Variants in HPSE observed in about 807,000 individuals in gnomAD.
HPSE encodes heparanase.
HPSE carries 48 observed loss-of-function variants against 65.1 expected under a neutral mutation model. That is an observed-to-expected ratio of 0.74 (90% CI 0.58 to 0.94). HPSE has a LOEUF of 0.94. Among genes scored for constraint, HPSE ranks in the 40% least tolerant of loss-of-function variants. HPSE has a pLI of 0.00. For synonymous variants in HPSE, 243 were observed against 260.0 expected (o/e 0.93, Z 0.63); for missense variants, 644 against 637.5 (o/e 1.01, Z -0.11).
intron 6 of HPSE, 74 bp from the exon 7 acceptor site, chr4:83,309,569 T>G (rs1736286999): frequency 1.2e-6 from 1 of 834,888 alleles, no homozygotes; most frequent in African/African-American, 1.7e-5. Context: ...TTGCTGACCT[T>G]ATTCTCCTTC....
At chr4:83,334,158 G>A (rs1207712676) in intron 1 of HPSE, among the ~76,000 whole-genome samples, 1 of 152,176 alleles carries the variant, frequency 6.6e-6, no homozygotes, top group Non-Finnish European at 1.5e-5. Context: ...GTGTACACAT[G>A]GACTTAGTGG....
intron 1 of HPSE, among the ~76,000 whole-genome samples, chr4:83,330,675 G>T (rs1440795935): frequency 6.6e-6 from 1 of 152,218 alleles, no homozygotes. Context: ...GAACTTTGCT[G>T]AAGGAAAATA....
rs1291307934 is a variant in HPSE, at chr4:83,293,361, G to A, written c.*1983C>T. On this transcript the variant is annotated 3_prime_UTR_variant, in exon 12 of 12. Transcript: ENST00000311412. ...CATTTTCTTCCTCTGGTTGCTATGA[G>A]GTTTGAAGGGGCCCATGAAACAGCT... The A allele has an allele frequency of 6.6e-6, 1 of 152,166 alleles. No individual in the cohort carries two copies. The highest frequency in any genetic ancestry group is 1.5e-5 in the Non-Finnish European group (1 of 68,048). 9.4% of individuals were successfully genotyped at this position (152,166 alleles called of 1,614,324 possible).
chr4:83,324,583 C>T (rs1737065756), intron 1 of HPSE, among the ~76,000 whole-genome samples: 3 of 152,122 alleles, frequency 2.0e-5, no homozygotes, highest in Admixed American at 2.0e-4. Flanking sequence ...AAAATGTTAT[C>T]AACCCGAATT....
intron 1 of HPSE, among the ~76,000 whole-genome samples, chr4:83,323,035 G>A (rs1332310015): frequency 3.9e-5 from 6 of 152,034 alleles, no homozygotes; most frequent in Non-Finnish European, 8.8e-5. Flanking sequence ...AGCCTTTTAT[G>A]ATGGATGGGG....
At chr4:83,322,158 A>G in intron 2 of HPSE, 61 bp downstream of exon 2, 1 of 1,427,968 alleles carries the variant, frequency 7.0e-7, no homozygotes, top group Admixed American at 1.8e-5. Flanking sequence ...GTTTTCTCAA[A>G]GCATTCTCAT....
intron 2 of HPSE, among the ~76,000 whole-genome samples, chr4:83,320,650 G>A (rs1004148849): frequency 6.6e-6 from 1 of 152,198 alleles, no homozygotes; most frequent in Admixed American, 6.5e-5. Context: ...GGGTTGCCGG[G>A]TGCTGGCTGC....
chr4:83,302,180 C>T lies in HPSE; in HGVS notation c.1295G>A (p.Arg432Gln), dbSNP rs770783846. 2.5e-5 allele frequency: 41 copies of T among 1,613,372 alleles called. No homozygotes were observed. Among genetic ancestry groups the T allele is most frequent in the African/African-American group, 4.0e-5 (3 of 74,896 alleles). ...AGTGTTTGTGCAATGAAGGTATACT[C>T]GAAGCTTCCTTCTCTTTGAACCTTG... ...SVQGSKRRKL[R>Q]VYLHCTNTDN... The change falls in exon 10 of 12, where the codon CGA becomes CAA. Residue 432 changes from arginine to glutamine, a missense_variant. Physicochemically the swap from Arg to Gln is conservative, Grantham distance 43 (BLOSUM62 1). Transcript: ENST00000311412.
At chr4:83,318,307 A>G (rs1736733665) in intron 3 of HPSE, among the ~76,000 whole-genome samples, 1 of 152,152 alleles carries the variant, frequency 6.6e-6, no homozygotes, top group African/African-American at 2.4e-5. Context: ...ATCAAACTTC[A>G]GATAAAAATA....
chr4:83,297,639 G>A (rs1735782453), intron 11 of HPSE, among the ~76,000 whole-genome samples: 1 of 152,182 alleles, frequency 6.6e-6, no homozygotes, highest in South Asian at 2.1e-4. Flanking sequence ...TTGACCTAAT[G>A]AGACGCTCAG....
At chr4:83,332,010 G>T (rs1471144688) in intron 1 of HPSE, among the ~76,000 whole-genome samples, 1 of 152,200 alleles carries the variant, frequency 6.6e-6, no homozygotes, top group Non-Finnish European at 1.5e-5. Context: ...TCACAGTGTT[G>T]TAGCCAAGAC....
intron 9 of HPSE, 100 bp from the exon 10 acceptor site, chr4:83,302,368 T>C: frequency 2.7e-6 from 2 of 731,986 alleles, no homozygotes; most frequent in South Asian, 1.7e-5. Context: ...CTACAAAGAG[T>C]ATCACTGTTA....
At chr4:83,333,828 G>A (rs1403616603) in intron 1 of HPSE, among the ~76,000 whole-genome samples, 4 of 139,962 alleles carry the variant, frequency 2.9e-5, no homozygotes, top group East Asian at 2.0e-4. Flanking sequence ...GTTCTGTGAC[G>A]CCCTTTTCAT....
At chr4:83,312,369 A>T (rs995301058) in intron 4 of HPSE, among the ~76,000 whole-genome samples, 1 of 152,206 alleles carries the variant, frequency 6.6e-6, no homozygotes, top group African/African-American at 2.4e-5. Flanking sequence ...AGGCAGAAGT[A>T]TATTTGCTAA....
At chr4:83,332,690 TA>T (rs1737428035) in intron 1 of HPSE, among the ~76,000 whole-genome samples, 1 of 152,288 alleles carries the variant, frequency 6.6e-6, no homozygotes, top group African/African-American at 2.4e-5. Context: ...TTCTACGTGT[TA>T]GGGGGGTGTT....
chr4:83,313,041 A>AT, intron 4 of HPSE, 73 bp downstream of exon 4: 4 of 983,444 alleles, frequency 4.1e-6, no homozygotes, highest in Non-Finnish European at 5.9e-6. Flanking sequence ...AAAAAAAAAA[A>AT]GAAAAAGAAA....
chr4:83,310,671 C>G (rs138490774), intron 5 of HPSE, 51 bp downstream of exon 5: 12 of 1,542,032 alleles, frequency 7.8e-6, no homozygotes, highest in Middle Eastern at 3.5e-4. Context: ...GACTCTGTCT[C>G]AAAAGGAAAA....
chr4:83,324,173 G>T (rs1031238814), intron 1 of HPSE, among the ~76,000 whole-genome samples: 8 of 126,144 alleles, frequency 6.3e-5, no homozygotes, highest in Non-Finnish European at 1.6e-5. Context: ...CCAGGCTGGA[G>T]TACGATGGCG....
chr4:83,299,545 C>A (rs998696114), intron 11 of HPSE, among the ~76,000 whole-genome samples: 2 of 151,634 alleles, frequency 1.3e-5, no homozygotes, highest in Admixed American at 6.6e-5. Flanking sequence ...AGAGCAGTAC[C>A]CAGTGTAAAT....
Sources: allele counts gnomAD v4.1 joint callset (sites outside exome capture counted in the v4.1 genomes callset), GRCh38; gene constraint gnomAD v4.1.1; transcripts MANE v1.5; gene names NCBI Gene and HGNC (gene_info 2026-07-23, HGNC 2026-07-21).